Variants in ABCA8 observed in about 807,000 individuals in gnomAD.
The protein encoded by ABCA8 is ABC-type organic anion transporter ABCA8.
A neutral mutation model predicts 192.3 loss-of-function variants in ABCA8; 177 were observed. That is an observed-to-expected ratio of 0.92 (90% CI 0.81 to 1.04). The LOEUF is 1.04. Ranked by LOEUF, ABCA8 falls within the 50% of genes least tolerant of loss-of-function variation. ABCA8 has a pLI of 0.00. For missense variants in ABCA8, 1,915 were observed against 1,904.8 expected, an observed-to-expected ratio of 1.01 and a Z score of -0.10; for synonymous variants, 642 against 690.2, an observed-to-expected ratio of 0.93 and a Z score of 1.09.
At chr17:68,953,400 T>A (rs2068622421) in intron 1 of ABCA8, among the ~76,000 whole-genome samples, 1 of 152,174 alleles carries the variant, frequency 6.6e-6, no homozygotes, top group Non-Finnish European at 1.5e-5. Context: ...GAAGCCATCA[T>A]CTCATTTATG....
At chr17:68,915,257 A>G (rs1474054853) in intron 17 of ABCA8, among the ~76,000 whole-genome samples, 8 of 152,162 alleles carry the variant, frequency 5.3e-5, no homozygotes, top group Admixed American at 3.3e-4. Context: ...AGCAGAGGTG[A>G]CTAAAGCTAA....
At chr17:68,936,016 CA>C (rs1567877702) in intron 5 of ABCA8, among the ~76,000 whole-genome samples, 1 of 152,040 alleles carries the variant, frequency 6.6e-6, no homozygotes, top group East Asian at 1.9e-4. Context: ...TCAAACAACT[CA>C]AATAACTGCA....
chr17:68,898,585 C>T (rs1232157494), intron 21 of ABCA8, among the ~76,000 whole-genome samples: 3 of 152,090 alleles, frequency 2.0e-5, no homozygotes, highest in Non-Finnish European at 4.4e-5. Flanking sequence ...ATTTTTCCCT[C>T]TCTTGTATTA....
intron 11 of ABCA8, among the ~76,000 whole-genome samples, chr17:68,922,654 C>T (rs1327030422): frequency 2.0e-5 from 3 of 152,082 alleles, no homozygotes; most frequent in Non-Finnish European, 2.9e-5. Flanking sequence ...CATGGACATT[C>T]GATACCCAAA....
Position 68,907,849 on chromosome 17 carries a change from T to C in ABCA8, c.2169A>G (p.Glu723=). 6.2e-7 allele frequency: 1 copy of C among 1,601,556 alleles called. No homozygotes were observed. The highest frequency in any genetic ancestry group is 1.7e-4 in the Middle Eastern group (1 of 5,922). Residue 723 remains glutamate (E), a synonymous_variant, in exon 18 of 40, where the codon GAA becomes GAG. Transcript: ENST00000586539. Reference sequence around the variant, plus strand: ...GCTGTTTAACAAGTGATGTTATGTTTTCCTCAACACATATTTCATTTAACT... The same window carrying C: ...GCTGTTTAACAAGTGATGTTATGTTCTCCTCAACACATATTTCATTTAACT... ...SLQLNEICVE[E]NITSLVKQHI...
At chr17:68,901,230 A>T (rs2066901745) in intron 21 of ABCA8, among the ~76,000 whole-genome samples, 3 of 152,230 alleles carry the variant, frequency 2.0e-5, no homozygotes, top group Admixed American at 1.3e-4. Context: ...TAGATACAGA[A>T]TCTGAATATG....
intron 2 of ABCA8, among the ~76,000 whole-genome samples, chr17:68,947,879 ATGCCCTTCATCCCCT>A (rs1382881036): frequency 6.6e-6 from 1 of 152,062 alleles, no homozygotes; most frequent in Non-Finnish European, 1.5e-5. Context: ...ATTTGTTCTA[ATGCCCTTCATCCCCT>A]TGCCCTCTAC....
At chr17:68,923,356 T>C (rs1440268353) in intron 11 of ABCA8, among the ~76,000 whole-genome samples, 1 of 152,042 alleles carries the variant, frequency 6.6e-6, no homozygotes, top group Non-Finnish European at 1.5e-5. Flanking sequence ...TGTAGCACCA[T>C]GCTTGGCTAA....
At chr17:68,935,894 G>C (rs1036476463) in intron 5 of ABCA8, among the ~76,000 whole-genome samples, 11 of 151,852 alleles carry the variant, frequency 7.2e-5, no homozygotes, top group African/African-American at 2.7e-4. Flanking sequence ...TTCCGACTAG[G>C]GTAAAATGGT....
chr17:68,875,881 G>C lies in ABCA8; in HGVS notation c.4371-148C>G. On this transcript the variant is annotated intron_variant, in intron 35 of 39. Transcript: ENST00000586539. ...GGGTTCTTAATAGGGCAGGTAGGAT[G>C]AGGAAGGACAAGCTAGGTGAGAGCT... The C allele has an allele frequency of 5.5e-6, 5 of 902,740 alleles. No individual in the cohort carries two copies. The East Asian group carries it at 8.1e-5, about 15-fold the overall frequency. The allele number at this position is 902,740 out of a possible 1,614,324, so 55.9% of individuals were successfully genotyped here. A position where few individuals can be genotyped will look rare whatever the true frequency, so the allele number is the denominator to read the frequency against.
intron 37 of ABCA8, among the ~76,000 whole-genome samples, chr17:68,872,527 T>A (rs1334446912): frequency 2.7e-5 from 4 of 150,786 alleles, no homozygotes; most frequent in Admixed American, 6.6e-5. Flanking sequence ...TGTATACATA[T>A]GTAACTAACC....
chr17:68,874,670 ATT>A (rs1017395371), intron 37 of ABCA8, among the ~76,000 whole-genome samples: 1 of 151,974 alleles, frequency 6.6e-6, no homozygotes, highest in Non-Finnish European at 1.5e-5. Context: ...CCTTGTTATC[ATT>A]TTTTTCACCT....
At chr17:68,933,647 G>C (rs1317504245) in intron 5 of ABCA8, among the ~76,000 whole-genome samples, 1 of 152,136 alleles carries the variant, frequency 6.6e-6, no homozygotes. Context: ...TGGATTGAGA[G>C]ACACTAAACT....
Position 68,875,318 on chromosome 17 carries a change from C to A in ABCA8, c.4573G>T (p.Val1525Leu). Residue 1525 changes from valine to leucine, a missense_variant, in exon 37 of 40, where the codon GTG becomes TTG. Transcript: ENST00000586539. ...LEMKVKNLAQ[V>L]EPLHAEILRL... ...AGGATCTCTGCATGGAGGGGCTCCA[C>A]TTGTGCCAGGTTCTTCACCTTCATC... The A allele has an allele frequency of 6.2e-7, 1 of 1,614,146 alleles. No individual in the cohort carries two copies. The highest frequency in any genetic ancestry group is 8.5e-7 in the Non-Finnish European group (1 of 1,180,036).
At chr17:68,896,093 A>T (rs758778637) in intron 21 of ABCA8, among the ~76,000 whole-genome samples, 2 of 151,772 alleles carry the variant, frequency 1.3e-5, no homozygotes, top group Non-Finnish European at 2.9e-5. Context: ...GGCAAGCCAT[A>T]AGAACAGTAT....
intron 37 of ABCA8, 74 bp from the exon 38 acceptor site, chr17:68,869,853 G>T (rs1451269117): frequency 2.0e-6 from 2 of 1,013,590 alleles, no homozygotes; most frequent in African/African-American, 1.6e-5. Context: ...CATCTCTCTG[G>T]TCTTTTTTTT....
At chr17:68,912,489 C>T (rs2067246449) in intron 17 of ABCA8, among the ~76,000 whole-genome samples, 1 of 151,590 alleles carries the variant, frequency 6.6e-6, no homozygotes, top group African/African-American at 2.4e-5. Context: ...AGTCATTGGC[C>T]TTAAGGAGGA....
chr17:68,930,822 C>T (rs1172838374), intron 7 of ABCA8, among the ~76,000 whole-genome samples: 1 of 152,182 alleles, frequency 6.6e-6, no homozygotes, highest in East Asian at 1.9e-4. Context: ...CTGGAAGGAA[C>T]TCTTCCAGAC....
chr17:68,932,385 A>C lies in ABCA8; in HGVS notation c.700T>G (p.Ser234Ala). The C allele has an allele frequency of 6.2e-7, 1 of 1,614,010 alleles. No homozygotes were observed. ...ACAGATGCATAGTAAATGAATGAGG[A>C]AAATGAAATAATGCAGGAAAAAAGG... ...LYLFSCIISFSSFIYYASVNV... is the reference protein window; with the variant it reads ...LYLFSCIISFASFIYYASVNV... The change falls in exon 7 of 40, where the codon TCC becomes GCC. Residue 234 changes from serine (S) to alanine (A), a missense_variant. Ser to Ala is a moderately conservative substitution (Grantham distance 99). Coordinates refer to ENST00000586539, the MANE Select transcript of ABCA8 (RefSeq NM_001288985.2).
Sources: allele counts gnomAD v4.1 joint callset (sites outside exome capture counted in the v4.1 genomes callset), GRCh38; gene constraint gnomAD v4.1.1; transcripts MANE v1.5; gene names NCBI Gene and HGNC (gene_info 2026-07-23, HGNC 2026-07-21).